The following TMPRSS4 variants were observed in gnomAD, a reference collection of about 807,000 sequenced individuals.
The protein encoded by TMPRSS4 is transmembrane protease serine 4.
Under a neutral mutation model 56.4 loss-of-function variants are expected in TMPRSS4, and 45 were observed. That is an observed-to-expected ratio of 0.80 (90% CI 0.63 to 1.02). The LOEUF is 1.02. Ranked by LOEUF, TMPRSS4 falls within the 50% of genes least tolerant of loss-of-function variation. The pLI is 0.00. For synonymous variants in TMPRSS4, 205 were observed against 211.0 expected (o/e 0.97, Z 0.25); for missense variants, 546 against 556.7 (o/e 0.98, Z 0.19).
rs1947778803 is a variant in TMPRSS4 at position 118,121,135 on chromosome 11, A to C, written c.*3222A>C. On this transcript the variant is annotated 3_prime_UTR_variant, in exon 13 of 13. Coordinates refer to ENST00000437212, the MANE Select transcript of TMPRSS4 (RefSeq NM_019894.4). ...GATAACAATCAATCAGGGATTGTGA[A>C]CCCTACAAAACTATCTTTCAAGAAT... 6.6e-6 allele frequency: 1 copy of C among 152,218 alleles called. No homozygotes were observed. Among genetic ancestry groups the C allele is most frequent in the African/African-American group, 2.4e-5 (1 of 41,456 alleles). 9.4% of individuals were successfully genotyped at this position (152,218 alleles called of 1,614,324 possible). A position where few individuals can be genotyped will look rare whatever the true frequency, so the allele number is the denominator to read the frequency against.
chr11:118,104,614 G>T, intron 4 of TMPRSS4, 77 bp from the exon 5 acceptor site: 1 of 1,605,928 alleles, frequency 6.2e-7, no homozygotes, highest in Non-Finnish European at 8.5e-7. Context: ...AGCTTGGGCT[G>T]GTCTCATGAT....
chr11:118,092,279 G>A (rs759943709), intron 1 of TMPRSS4, among the ~76,000 whole-genome samples: 15 of 152,204 alleles, frequency 9.9e-5, no homozygotes, highest in Non-Finnish European at 2.1e-4. Flanking sequence ...TTCACGCAGA[G>A]CCAGCTGTGT....
chr11:118,079,169 C>T (rs770556302), intron 1 of TMPRSS4, among the ~76,000 whole-genome samples: 13 of 152,192 alleles, frequency 8.5e-5, no homozygotes, highest in East Asian at 1.9e-4. Context: ...TTTCTAGCCC[C>T]GGAGCTAGCC....
downstream of TMPRSS4, among the ~76,000 whole-genome samples, chr11:118,124,081 T>G (rs984295206): frequency 6.6e-6 from 1 of 152,112 alleles, no homozygotes; most frequent in African/African-American, 2.4e-5. Context: ...GATGCAAAGT[T>G]GTAATTAAAA....
chr11:118,094,788 C>T, intron 1 of TMPRSS4, 28 bp from the exon 2 acceptor site: 1 of 1,605,144 alleles, frequency 6.2e-7, no homozygotes, highest in African/African-American at 1.3e-5. Context: ...GGCTCCCTGC[C>T]TCAACTCACT....
chr11:118,094,871 G>A lies in TMPRSS4; in HGVS notation c.43+16G>A. The A allele has an allele frequency of 6.2e-7, 1 of 1,611,202 alleles. No homozygotes were observed. Among genetic ancestry groups the A allele is most frequent in the Non-Finnish European group, 8.5e-7 (1 of 1,178,832 alleles). ...AACAGCCTCGGTAAGTTCAGGTCCG[G>A]CTTTCATTCGTCCACCTTAGCCTCT... On this transcript the variant is annotated intron_variant, in intron 2 of 12. Transcript: ENST00000437212.
intron 1 of TMPRSS4, among the ~76,000 whole-genome samples, chr11:118,077,577 C>T (rs530981321): frequency 2.6e-5 from 4 of 152,332 alleles, no homozygotes; most frequent in Non-Finnish European, 5.9e-5. Flanking sequence ...CTATTCTTTC[C>T]TGAATCCTGC....
chr11:118,077,282 C>A lies in TMPRSS4; in HGVS notation c.-21C>A. On this transcript the variant is annotated 5_prime_UTR_variant, in exon 1 of 13. Transcript: ENST00000437212. ...TCTCAGCTCCAGGCTACAGGGAGAC[C>A]GGGAGGATCACAGAGCCAGCATGGT... The A allele has an allele frequency of 1.2e-6, 2 of 1,600,430 alleles. No homozygotes were observed. The highest frequency in any genetic ancestry group is 1.7e-6 in the Non-Finnish European group (2 of 1,173,586).
intron 5 of TMPRSS4, among the ~76,000 whole-genome samples, chr11:118,105,365 A>G (rs1321737303): frequency 1.3e-5 from 2 of 152,148 alleles, no homozygotes; most frequent in African/African-American, 2.4e-5. Flanking sequence ...AGTAATTTGC[A>G]TTCTATATAT....
rs770835341 is a variant in TMPRSS4 at position 118,113,448 on chromosome 11, G to T, written c.910+13G>T. 2 of 1,612,072 alleles carry T rather than the reference G, an allele frequency of 1.2e-6. No individual in the cohort carries two copies. Among genetic ancestry groups the T allele is most frequent in the East Asian group, 2.2e-5 (1 of 44,814 alleles). On this transcript the variant is annotated intron_variant, in intron 9 of 12. Transcript: ENST00000437212. ...CTCACTTTCTCAGGTGAGAAGCAGG[G>T]CCCAAGGCCACTCAAGCCTCTTACA...
At chr11:118,091,761 G>A (rs907311266) in intron 1 of TMPRSS4, among the ~76,000 whole-genome samples, 7 of 152,186 alleles carry the variant, frequency 4.6e-5, no homozygotes, top group Non-Finnish European at 1.0e-4. Context: ...AGAGTTAGAT[G>A]AAAGGACTTT....
chr11:118,106,851 C>G (rs183179281), intron 5 of TMPRSS4: 1 of 152,354 alleles, frequency 6.6e-6, no homozygotes, highest in African/African-American at 2.4e-5. Context: ...ATGACCTGCC[C>G]AAGGCCACAC....
chr11:118,090,671 A>G (rs988434202), intron 1 of TMPRSS4, among the ~76,000 whole-genome samples: 1 of 151,018 alleles, frequency 6.6e-6, no homozygotes, highest in Non-Finnish European at 1.5e-5. Context: ...CCAGCTACTC[A>G]GGAGACTGAG....
intron 5 of TMPRSS4, chr11:118,105,464 C>T (rs1946942586): frequency 1.3e-5 from 2 of 151,916 alleles, no homozygotes; most frequent in Non-Finnish European, 2.9e-5. Flanking sequence ...CATAAATAGG[C>T]TCAAACAAAG....
At chr11:118,111,945 C>T in intron 8 of TMPRSS4, 45 bp downstream of exon 8, 1 of 1,583,722 alleles carries the variant, frequency 6.3e-7, no homozygotes, top group Non-Finnish European at 8.6e-7. Flanking sequence ...CAAGGCCAGT[C>T]AGGGACCAGA....
chr11:118,113,178 C>A, intron 8 of TMPRSS4, 91 bp from the exon 9 acceptor site: 1 of 1,321,534 alleles, frequency 7.6e-7, no homozygotes, highest in Non-Finnish European at 1.0e-6. Context: ...TGACATCCAG[C>A]ACCCCGATCC....
chr11:118,087,807 A>T (rs1945668622), intron 1 of TMPRSS4: 2 of 152,332 alleles, frequency 1.3e-5, no homozygotes, highest in South Asian at 4.1e-4. Flanking sequence ...GAATAAAGGA[A>T]GAAGAGGCAG....
chr11:118,079,824 G>A (rs185819583), intron 1 of TMPRSS4, among the ~76,000 whole-genome samples: 156 of 152,340 alleles, frequency 1.0e-3, no homozygotes, highest in Middle Eastern at 3.4e-3. Flanking sequence ...CCTGACTGGG[G>A]CACAGAATCC....
chr11:118,118,699 C>T lies in TMPRSS4; in HGVS notation c.*786C>T. 1 of 979,516 alleles carries T rather than the reference C, an allele frequency of 1.0e-6. No individual in the cohort carries two copies. Among genetic ancestry groups the T allele is most frequent in the Admixed American group, 6.5e-5 (1 of 15,462 alleles). 60.7% of individuals were successfully genotyped at this position (979,516 alleles called of 1,614,324 possible). ...CTCCCTTTGCCTCTTTCCCTCCCTC[C>T]CTGCCTGTGATAATCAGCCAGGAGC... On this transcript the variant is annotated 3_prime_UTR_variant, in exon 13 of 13. Coordinates refer to ENST00000437212, the MANE Select transcript of TMPRSS4 (RefSeq NM_019894.4).
Sources: gnomAD v4.1 joint callset for allele counts (sites outside exome capture counted in the v4.1 genomes callset) on GRCh38, gnomAD v4.1.1 for gene constraint, MANE v1.5 for transcripts, NCBI Gene and HGNC (gene_info 2026-07-23, HGNC 2026-07-21) for gene names.